The following PRDM13 variants were observed in gnomAD, a reference collection of about 807,000 sequenced individuals.
PRDM13 encodes PR/SET domain 13.
A neutral mutation model predicts 36.4 loss-of-function variants in PRDM13; 15 were observed. The observed-to-expected ratio is 0.41, with a 90% CI of 0.28 to 0.64. The LOEUF (loss-of-function observed/expected upper bound fraction) is 0.64. PRDM13 is among the 30% of genes least tolerant of loss of function. PRDM13 has a pLI of 0.29. For missense variants in PRDM13, 1,044 were observed against 1,013.5 expected, an observed-to-expected ratio of 1.03 and a Z score of -0.41; for synonymous variants, 531 against 467.7, an observed-to-expected ratio of 1.14 and a Z score of -1.75.
rs757705649 is a variant in PRDM13 at position 99,613,537 on chromosome 6, C to A, written c.902C>A (p.Ala301Glu). The A allele has an allele frequency of 6.7e-7, 1 of 1,496,640 alleles. No homozygotes were observed. Among genetic ancestry groups the A allele is most frequent in the South Asian group, 1.3e-5 (1 of 79,392 alleles). 92.7% of individuals were successfully genotyped at this position (1,496,640 alleles called of 1,614,324 possible). The change falls in exon 4 of 4, where the codon GCG becomes GAG. Residue 301 changes from alanine to glutamate, a missense_variant. Physicochemically the swap from Ala to Glu is moderately radical, Grantham distance 107. Around this residue, in one of 3 missense-constraint regions of PRDM13, gnomAD observed 921 missense variants for 865.2 expected, o/e 1.06. Coordinates refer to ENST00000369215, the MANE Select transcript of PRDM13 (RefSeq NM_021620.4). This position sits in a 1 kb window ranked among gnomAD's most constrained non-coding sequence, Gnocchi z 6.1. ...TCAGCTTTCAAGCCCGCCGGCCTAG[C>A]GAGGGCGGCGGCGGCCGCTCACGGC... ...VRSAFKPAGL[A>E]RAAAAAHGDP...
Position 99,613,018 on chromosome 6 carries a change from T to C in PRDM13, c.398-15T>C. ...CGCCTCTCACCGGGTCGCTTTTCCA[T>C]TCTTTCTTGCCCAGGGGAGGAGCGC... is the stretch of plus-strand genomic sequence containing the variant. On this transcript the variant is annotated splice_polypyrimidine_tract_variant and intron_variant, in intron 3 of 3. Transcript: ENST00000369215. The surrounding 1 kb of genome is among the most constrained non-coding windows in gnomAD (Gnocchi z 6.1). 1 of 1,518,996 alleles carries C rather than the reference T, an allele frequency of 6.6e-7. No individual in the cohort carries two copies. The highest frequency in any genetic ancestry group is 9.0e-7 in the Non-Finnish European group (1 of 1,111,928). The allele number at this position is 1,518,996 out of a possible 1,614,324, so 94.1% of individuals were successfully genotyped here. A position where few individuals can be genotyped will look rare whatever the true frequency, so the allele number is the denominator to read the frequency against.
intron 1 of PRDM13, among the ~76,000 whole-genome samples, chr6:99,607,606 G>T (rs551937034): frequency 4.7e-4 from 71 of 152,278 alleles, no homozygotes; most frequent in African/African-American, 1.6e-3. Flanking sequence ...GTTAATTTGA[G>T]GCCTAATTTC....
intron 3 of PRDM13, among the ~76,000 whole-genome samples, chr6:99,611,349 G>T (rs536369531): frequency 6.6e-6 from 1 of 152,204 alleles, no homozygotes; most frequent in South Asian, 2.1e-4. Context: ...AAGGGGTGAT[G>T]AGAGAGAGAA....
rs1369830436 is a variant in PRDM13 at position 99,615,550 on chromosome 6, GA to G, written c.*792del. ...TTGTGCAATCTTTAAGAAAAATAAA[GA>G]TACAAACGAGAGTTTTGTTCACTTA... On this transcript the variant is annotated 3_prime_UTR_variant, in exon 4 of 4. Transcript: ENST00000369215. 1 of 152,496 alleles carries G rather than the reference GA, an allele frequency of 6.6e-6. No homozygotes were observed. The highest frequency in any genetic ancestry group is 1.5e-5 in the Non-Finnish European group (1 of 68,022). 9.4% of individuals were successfully genotyped at this position (152,496 alleles called of 1,614,324 possible). A position where few individuals can be genotyped will look rare whatever the true frequency, so the allele number is the denominator to read the frequency against.
At position 99,614,603 on chromosome 6, in the gene PRDM13, G is replaced by C. The variant is rs774606730; in HGVS notation, c.1968G>C (p.Gln656His). 6.2e-7 allele frequency: 1 copy of C among 1,612,634 alleles called. No individual in the cohort carries two copies. Among genetic ancestry groups the C allele is most frequent in the Non-Finnish European group, 8.5e-7 (1 of 1,179,850 alleles). The part of the protein sequence containing the change: ...ERHVKSRHPG[Q>H]SLLAKAGDGP... Reference sequence around the variant, plus strand: ...ATGTCAAGTCCCGCCACCCTGGCCAGAGTCTGCTCGCCAAAGCGGGCGACG... The same window carrying C: ...ATGTCAAGTCCCGCCACCCTGGCCACAGTCTGCTCGCCAAAGCGGGCGACG... Residue 656 changes from glutamine to histidine, a missense_variant, in exon 4 of 4, where the codon CAG becomes CAC. Gln to His is a conservative substitution (Grantham distance 24, BLOSUM62 0). Transcript: ENST00000369215.
At chr6:99,612,457 T>C (rs1425279914) in intron 3 of PRDM13, among the ~76,000 whole-genome samples, 3 of 152,104 alleles carry the variant, frequency 2.0e-5, no homozygotes, top group Non-Finnish European at 4.4e-5. Context: ...TCAGGCAAAG[T>C]GTTTAAGGCT....
At chr6:99,607,563 C>G (rs556693712) in intron 1 of PRDM13, among the ~76,000 whole-genome samples, 2 of 152,154 alleles carry the variant, frequency 1.3e-5, no homozygotes, top group Non-Finnish European at 2.9e-5. Context: ...CTCAGGGCAT[C>G]GAGACCCTTT....
chr6:99,607,233 C>A, intron 1 of PRDM13, 55 bp downstream of exon 1: 1 of 1,595,028 alleles, frequency 6.3e-7, no homozygotes, highest in Non-Finnish European at 8.5e-7. Flanking sequence ...TGCCCTGACC[C>A]GGGAAAGGGG....
Position 99,613,928 on chromosome 6 carries a change from C to A in PRDM13, c.1293C>A (p.Leu431=). The stretch of plus-strand genomic sequence containing the variant: ...TGCCCCCTGCGCCGGGGTTGCCCCT[C>A]GAGCGCTGCGCGCTGCCGCCCCTCG... ...AQLPPAPGLP[L]ERCALPPLDP... Residue 431 remains leucine (L), a synonymous_variant, in exon 4 of 4, where the codon CTC becomes CTA. Transcript: ENST00000369215. The surrounding 1 kb of genome is among the most constrained non-coding windows in gnomAD (Gnocchi z 6.1). 6.9e-6 allele frequency: 11 copies of A among 1,587,748 alleles called. No homozygotes were observed. The highest frequency in any genetic ancestry group is 9.4e-6 in the Non-Finnish European group (11 of 1,171,336).
In PRDM13 at chr6:99,606,835, T is replaced by C; in HGVS notation, c.-200T>C. The C allele has an allele frequency of 1.5e-6, 1 of 659,188 alleles. No homozygotes were observed. 40.8% of individuals were successfully genotyped at this position (659,188 alleles called of 1,614,324 possible). ...TCGCAGCGCAACTCTCTCACCAAAC[T>C]CCGCGCCCTTGCGCTAGCGGTGCCA... On this transcript the variant is annotated 5_prime_UTR_variant, in exon 1 of 4. Coordinates refer to ENST00000369215, the MANE Select transcript of PRDM13 (RefSeq NM_021620.4).
In PRDM13 at chr6:99,613,385, G is replaced by C. The variant is rs763068061; in HGVS notation, c.750G>C (p.Lys250Asn). 11 of 1,554,118 alleles carry C rather than the reference G, an allele frequency of 7.1e-6. No individual in the cohort carries two copies. The highest frequency in any genetic ancestry group is 9.5e-6 in the Non-Finnish European group (11 of 1,156,922). Reference protein sequence around the residue: ...PTPGKWGQPKKGKEQLDRALD... With the variant: ...PTPGKWGQPKNGKEQLDRALD... ...CAGGCAAGTGGGGGCAGCCCAAGAA[G>C]GGCAAGGAGCAGCTGGACCGTGCCC... is the stretch of plus-strand genomic sequence containing the variant. Residue 250 changes from lysine (K) to asparagine (N), a missense_variant, in exon 4 of 4, where the codon AAG (lysine) becomes AAC (asparagine). By Grantham distance (94) the Lys-to-Asn change is moderately conservative. This residue lies in a region of PRDM13 where 921 missense variants were observed against 865.2 expected (regional missense o/e 1.06). Transcript: ENST00000369215. This position sits in a 1 kb window ranked among gnomAD's most constrained non-coding sequence, Gnocchi z 6.1.
intron 1 of PRDM13, among the ~76,000 whole-genome samples, chr6:99,607,664 C>G (rs1260058944): frequency 6.6e-6 from 1 of 152,192 alleles, no homozygotes; most frequent in Non-Finnish European, 1.5e-5. Flanking sequence ...TTGGGAGGCT[C>G]TCAGTTCCTA....
chr6:99,614,605 G>A lies in PRDM13; in HGVS notation c.1970G>A (p.Ser657Asn), dbSNP rs1770101538. Residue 657 changes from serine to asparagine, a missense_variant, in exon 4 of 4, where the codon AGT becomes AAT. Coordinates refer to ENST00000369215, the MANE Select transcript of PRDM13 (RefSeq NM_021620.4). ...GTCAAGTCCCGCCACCCTGGCCAGA[G>A]TCTGCTCGCCAAAGCGGGCGACGGC... ...RHVKSRHPGQ[S>N]LLAKAGDGPG... 1 of 1,612,650 alleles carries A rather than the reference G, an allele frequency of 6.2e-7. No individual in the cohort carries two copies.
intron 2 of PRDM13, 121 bp from the exon 3 acceptor site, chr6:99,609,065 GC>G: frequency 1.4e-6 from 2 of 1,409,560 alleles, no homozygotes; most frequent in South Asian, 2.8e-5. Context: ...GGTTCAGAGA[GC>G]TCCAGTAGCT....
chr6:99,609,005 C>A, intron 2 of PRDM13, 133 bp downstream of exon 2: 3 of 1,410,156 alleles, frequency 2.1e-6, no homozygotes, highest in South Asian at 2.9e-5. Flanking sequence ...TCTCGACAAC[C>A]CTTTAAGGTA....
Position 99,614,807 on chromosome 6 carries a change from G to GT in PRDM13, c.*51dup, listed in dbSNP as rs1389770575. On this transcript the variant is annotated 3_prime_UTR_variant, in exon 4 of 4. Coordinates refer to ENST00000369215, the MANE Select transcript of PRDM13 (RefSeq NM_021620.4). Reference sequence around the variant, plus strand: ...GGGTGAGGACAGAGAGGAGTCGAGGGTTTATTCTCGCAGTAGAGGAACTCC... The same window carrying GT: ...GGGTGAGGACAGAGAGGAGTCGAGGGTTTTATTCTCGCAGTAGAGGAACTCC... 9.9e-6 allele frequency: 15 copies of GT among 1,516,984 alleles called. No homozygotes were observed. The highest frequency in any genetic ancestry group is 1.4e-5 in the African/African-American group (1 of 71,782). 94.0% of individuals were successfully genotyped at this position (1,516,984 alleles called of 1,614,324 possible).
In PRDM13 at chr6:99,609,284, C is replaced by G. The variant is rs1174704771; in HGVS notation, c.374C>G (p.Ala125Gly). 2 of 1,614,048 alleles carry G rather than the reference C, an allele frequency of 1.2e-6. No homozygotes were observed. ...LAQWFDIPTTATPTHDEKGEE... is the reference protein window; with the variant it reads ...LAQWFDIPTTGTPTHDEKGEE... ...CAGTGGTTCGACATCCCCACCACAGCGACTCCGACTCACGACGAGAAAGGT... is the reference window on the plus strand; with the variant it reads ...CAGTGGTTCGACATCCCCACCACAGGGACTCCGACTCACGACGAGAAAGGT... The change falls in exon 3 of 4, where the codon GCG becomes GGG. Residue 125 changes from alanine (A) to glycine (G), a missense_variant. Ala to Gly is a moderately conservative substitution (Grantham distance 60, BLOSUM62 0). This residue lies in a region of PRDM13 where 921 missense variants were observed against 865.2 expected (regional missense o/e 1.06). Transcript: ENST00000369215.
In PRDM13 at chr6:99,614,115, G is replaced by T; in HGVS notation, c.1480G>T (p.Glu494Ter). Reference protein sequence around the residue: ...LHFGGLLKYPESISYFSGPAA... With the variant: ...LHFGGLLKYP ...CTTCGGCGGGCTGCTGAAGTATCCG[G>T]AGTCCATCTCCTACTTCAGCGGGCC... The change falls in exon 4 of 4, where the codon GAG becomes TAG. Residue 494 changes from glutamate (E) to a stop codon, truncating the protein, a stop_gained. Transcript: ENST00000369215. LOFTEE classifies it high-confidence loss of function. 6.3e-7 allele frequency: 1 copy of T among 1,599,858 alleles called. No homozygotes were observed. Among genetic ancestry groups the T allele is most frequent in the African/African-American group, 1.3e-5 (1 of 74,744 alleles).
chr6:99,614,139 C>G lies in PRDM13; in HGVS notation c.1504C>G (p.Pro502Ala), dbSNP rs752818961. The G allele has an allele frequency of 8.8e-6, 14 of 1,598,548 alleles. No homozygotes were observed. Among genetic ancestry groups the G allele is most frequent in the Non-Finnish European group, 1.2e-5 (14 of 1,174,668 alleles). The change falls in exon 4 of 4, where the codon CCT (proline) becomes GCT (alanine). Residue 502 changes from proline (P) to alanine (A), a missense_variant. Pro to Ala is a conservative substitution (Grantham distance 27). Coordinates refer to ENST00000369215, the MANE Select transcript of PRDM13 (RefSeq NM_021620.4). ...GGAGTCCATCTCCTACTTCAGCGGG[C>G]CTGCAGCGGCCGCCCTAAGCCCCGC... is the stretch of plus-strand genomic sequence containing the variant. ...YPESISYFSG[P>A]AAAALSPAEL...
Sources: gnomAD v4.1 joint callset for allele counts (sites outside exome capture counted in the v4.1 genomes callset) on GRCh38, gnomAD v4.1.1 for gene constraint, gnomAD v4.1.1 regional missense constraint, Gnocchi (gnomAD v3.1) non-coding constraint, MANE v1.5 for transcripts, NCBI Gene and HGNC (gene_info 2026-07-23, HGNC 2026-07-21) for gene names.